POU2F1: variants seen among roughly 807,000 people sequenced by gnomAD.
POU2F1 encodes the protein POU domain, class 2, transcription factor 1.
In POU2F1, 16 loss-of-function variants were observed where a neutral mutation model predicts 84.9. The observed-to-expected ratio is 0.19, with a 90% confidence interval of 0.13 to 0.29. The LOEUF (loss-of-function observed/expected upper bound fraction) is 0.29. POU2F1 is among the 10% of genes least tolerant of loss of function. POU2F1 has a pLI of 1.00. For missense variants in POU2F1, 738 were observed against 942.6 expected (o/e 0.78, Z 2.84); for synonymous variants, 368 against 368.3 (o/e 1.00, Z 0.01).
intron 2 of POU2F1, among the ~76,000 whole-genome samples, chr1:167,334,548 T>C (rs1003886148): frequency 1.3e-5 from 2 of 152,148 alleles, no homozygotes; most frequent in African/African-American, 4.8e-5. Flanking sequence ...AAAATAAAAC[T>C]GAAAATTTAA....
At chr1:167,277,329 T>G (rs1652800315) in intron 1 of POU2F1, among the ~76,000 whole-genome samples, 1 of 152,034 alleles carries the variant, frequency 6.6e-6, no homozygotes, top group Non-Finnish European at 1.5e-5. Context: ...CTCACACTCC[T>G]GGGCTTAAGT....
intron 7 of POU2F1, among the ~76,000 whole-genome samples, chr1:167,377,891 A>G (rs949483597): frequency 1.3e-5 from 2 of 151,964 alleles, no homozygotes; most frequent in African/African-American, 4.8e-5. Context: ...TGAAAGTTTT[A>G]TGGCTGTATA....
At chr1:167,403,990 A>G (rs1649383453) in intron 13 of POU2F1, among the ~76,000 whole-genome samples, 1 of 152,110 alleles carries the variant, frequency 6.6e-6, no homozygotes, top group African/African-American at 2.4e-5. Flanking sequence ...GCTAGTGAAA[A>G]GTCTGATTTC....
chr1:167,300,003 G>A (rs2102563002), intron 1 of POU2F1, among the ~76,000 whole-genome samples: 1 of 152,280 alleles, frequency 6.6e-6, no homozygotes, highest in Non-Finnish European at 1.5e-5. Flanking sequence ...CAATAGCAAA[G>A]CCATGGTATT....
chr1:167,389,438 C>A, intron 8 of POU2F1, 150 bp from the exon 9 acceptor site: 1 of 732,168 alleles, frequency 1.4e-6, no homozygotes, highest in Non-Finnish European at 2.2e-6. Context: ...GTCTGCTTTG[C>A]TCACTGAACA....
chr1:167,412,062 C>T lies in POU2F1; in HGVS notation c.1659C>T (p.Ala553=), dbSNP rs1482951422. 3 of 1,614,252 alleles carry T rather than the reference C, an allele frequency of 1.9e-6. No individual in the cohort carries two copies. Among genetic ancestry groups the T allele is most frequent in the Middle Eastern group, 3.3e-4 (2 of 6,062 alleles). The stretch of plus-strand genomic sequence containing the variant: ...CCTCTCTGAGTCCCTCCCCTTCTGC[C>T]TCAGCCTCCACCTCCGAGGCATCCA... ...TSPSLSPSPS[A]SASTSEASSA... The change falls in exon 14 of 16, where the codon GCC becomes GCT. Residue 553 remains alanine (A), a synonymous_variant. Coordinates refer to ENST00000367866, the MANE Select transcript of POU2F1 (RefSeq NM_002697.4).
chr1:167,386,322 G>A (rs144966007), intron 8 of POU2F1, among the ~76,000 whole-genome samples: 151 of 152,290 alleles, frequency 9.9e-4, no homozygotes, highest in African/African-American at 3.5e-3. Context: ...AGCCTCCTGA[G>A]TAGCTGGGAC....
rs1022010994 is a variant in POU2F1, at chr1:167,420,259, G to A, written c.*4449G>A. ...GCTCACTGCAACCTCTGCCTCCCGG[G>A]TTCAAGCAATTCTCCTGCTTCAGCC... On this transcript the variant is annotated 3_prime_UTR_variant, in exon 16 of 16. Transcript: ENST00000367866. 2.6e-5 allele frequency: 4 copies of A among 150,998 alleles called. No homozygotes were observed. The highest frequency in any genetic ancestry group is 9.7e-5 in the African/African-American group (4 of 41,030). The allele number at this position is 150,998 out of a possible 1,614,324, so 9.4% of individuals were successfully genotyped here. A position where few individuals can be genotyped will look rare whatever the true frequency, so the allele number is the denominator to read the frequency against.
intron 2 of POU2F1, chr1:167,357,348 T>G (rs1266308732): frequency 1.2e-4 from 4 of 33,050 alleles, no homozygotes; most frequent in South Asian, 2.1e-3. Flanking sequence ...TTGCCCCCCC[T>G]CCCCCACGCC....
chr1:167,329,255 GCTC>G, intron 1 of POU2F1: 1 of 1,546,398 alleles, frequency 6.5e-7, no homozygotes, highest in Non-Finnish European at 8.7e-7. Context: ...TGGACTCTCT[GCTC>G]CTCTAGAAGA....
chr1:167,343,786 G>C (rs1658022666), intron 2 of POU2F1, among the ~76,000 whole-genome samples: 1 of 151,632 alleles, frequency 6.6e-6, no homozygotes, highest in Non-Finnish European at 1.5e-5. Context: ...TACTGTTGGG[G>C]AGTAGACTTG....
chr1:167,316,050 G>C (rs897646886), intron 1 of POU2F1, among the ~76,000 whole-genome samples: 4 of 152,198 alleles, frequency 2.6e-5, no homozygotes, highest in Non-Finnish European at 5.9e-5. Flanking sequence ...CAGATTAGTG[G>C]TTGTTAGGGA....
chr1:167,221,099 A>G, intron 1 of POU2F1, 141 bp downstream of exon 1: 1 of 816,700 alleles, frequency 1.2e-6, no homozygotes, highest in Admixed American at 2.4e-5. Context: ...GGGAGCATTG[A>G]GCCCCCGCCG....
At chr1:167,237,686 C>T (rs1026210482) in intron 1 of POU2F1, among the ~76,000 whole-genome samples, 4 of 148,110 alleles carry the variant, frequency 2.7e-5, no homozygotes, top group African/African-American at 1.0e-4. Context: ...TTCCTCTTCC[C>T]CTGTTCCTCC....
At chr1:167,290,199 A>G (rs894089720) in intron 1 of POU2F1, among the ~76,000 whole-genome samples, 2 of 151,994 alleles carry the variant, frequency 1.3e-5, no homozygotes, top group Admixed American at 1.3e-4. Flanking sequence ...GAGACTAGCC[A>G]GGGCAACATG....
intron 2 of POU2F1, chr1:167,337,967 C>G (rs999478979): frequency 3.5e-4 from 128 of 370,498 alleles, no homozygotes; most frequent in Non-Finnish European, 4.7e-4. Context: ...CCTTCTTTTA[C>G]AGCATGGACC....
intron 1 of POU2F1, among the ~76,000 whole-genome samples, chr1:167,325,546 C>G (rs1656639926): frequency 6.6e-6 from 1 of 152,084 alleles, no homozygotes; most frequent in Non-Finnish European, 1.5e-5. Context: ...AATTTCATTT[C>G]TAATGATACC....
rs1281853323 is a variant in POU2F1, at chr1:167,374,168, C to T, written c.463C>T (p.Leu155=). The T allele has an allele frequency of 1.2e-6, 2 of 1,614,062 alleles. No homozygotes were observed. Among genetic ancestry groups the T allele is most frequent in the Middle Eastern group, 3.3e-4 (2 of 6,030 alleles). Reference sequence around the variant, plus strand: ...CCAGCAGGCACAGGCACAGGCACAGCTGCTGGCTGCTGCAGTGCAGCAGCA... The same window carrying T: ...CCAGCAGGCACAGGCACAGGCACAGTTGCTGGCTGCTGCAGTGCAGCAGCA... ...LLQQAQAQAQ[L]LAAAVQQHSA... is the part of the protein sequence containing the mutation. The change falls in exon 6 of 16, where the codon CTG becomes TTG. Residue 155 remains leucine, a synonymous_variant. Coordinates refer to ENST00000367866, the MANE Select transcript of POU2F1 (RefSeq NM_002697.4).
intron 2 of POU2F1, among the ~76,000 whole-genome samples, chr1:167,353,292 A>T (rs1202418071): frequency 1.3e-5 from 2 of 150,506 alleles, no homozygotes; most frequent in Non-Finnish European, 2.9e-5. Flanking sequence ...GTCTGATTTG[A>T]GCCTCACCAC....
Sources: allele counts gnomAD v4.1 joint callset (sites outside exome capture counted in the v4.1 genomes callset), GRCh38; gene constraint gnomAD v4.1.1; transcripts MANE v1.5; gene names NCBI Gene and HGNC (gene_info 2026-07-23, HGNC 2026-07-21).